The following SORCS3 variants were observed in gnomAD, a reference collection of about 807,000 sequenced individuals.
SORCS3 encodes sortilin related VPS10 domain containing receptor 3.
A neutral mutation model predicts 146.3 loss-of-function variants in SORCS3; 57 were observed. That is an observed-to-expected ratio of 0.39 (90% confidence interval 0.31 to 0.49). The LOEUF (loss-of-function observed/expected upper bound fraction) is 0.49, where lower values mean the gene tolerates loss of function less well. Ranked by LOEUF, SORCS3 falls within the 20% of genes least tolerant of loss-of-function variation. The pLI, the probability that SORCS3 is intolerant of heterozygous loss-of-function variation, is 0.92. For missense variants in SORCS3, 1,341 were observed against 1,575.5 expected (o/e 0.85, Z 2.52); for synonymous variants, 653 against 618.5 (o/e 1.06, Z -0.83).
intron 1 of SORCS3, among the ~76,000 whole-genome samples, chr10:104,672,613 C>T (rs1263509378): frequency 6.6e-6 from 1 of 152,080 alleles, no homozygotes; most frequent in African/African-American, 2.4e-5. Flanking sequence ...CTTAGGACTG[C>T]TTTTGCTGCA....
chr10:104,747,855 T>G (rs185630621), intron 1 of SORCS3, among the ~76,000 whole-genome samples: 1 of 152,232 alleles, frequency 6.6e-6, no homozygotes. Flanking sequence ...AGACCAGCTG[T>G]GCACCTTGAA....
intron 10 of SORCS3, among the ~76,000 whole-genome samples, chr10:105,158,664 T>C (rs2056232992): frequency 6.7e-6 from 1 of 149,558 alleles, no homozygotes; most frequent in Non-Finnish European, 1.5e-5. Flanking sequence ...GAGATTGTGG[T>C]TGGGGGGCAG....
chr10:105,232,586 G>GT (rs937259896), intron 20 of SORCS3, among the ~76,000 whole-genome samples: 192 of 147,842 alleles, frequency 1.3e-3, no homozygotes, highest in South Asian at 3.6e-3. Context: ...TTACCTTGGA[G>GT]TTTTTTTTTT....
intron 16 of SORCS3, among the ~76,000 whole-genome samples, chr10:105,202,039 A>G (rs962848143): frequency 6.6e-6 from 1 of 152,004 alleles, no homozygotes; most frequent in Admixed American, 6.6e-5. Context: ...TACCCTCAAA[A>G]CACATTCTAA....
rs182003429 is a variant in SORCS3 at position 104,977,479 on chromosome 10, A to T, written c.940A>T (p.Ser314Cys). The T allele has an allele frequency of 6.2e-7, 1 of 1,607,744 alleles. No homozygotes were observed. Among genetic ancestry groups the T allele is most frequent in the Non-Finnish European group, 8.5e-7 (1 of 1,178,060 alleles). ...PKQEDWVLAY[S>C]LDQKLYSSMD... ...GCAAGAGGACTGGGTGCTGGCCTAC[A>T]GTTTGGATCAAAAGGTGAATAAATA... Residue 314 changes from serine to cysteine, a missense_variant, in exon 4 of 27, where the codon AGT (serine) becomes TGT (cysteine). Physicochemically the swap from Ser to Cys is moderately radical, Grantham distance 112. Transcript: ENST00000369701.
Position 105,211,248 on chromosome 10 carries a change from TG to T in SORCS3, c.2375+1del. ...TTGGTCAAAGCTACCTTAACAGCAC[TG>T]GGTAAGTAAAACACCTACAGGAACT... Reference protein sequence around the residue: ...SLGQSYLNSTGYRRIVSNNCT... With the variant: ...SLGQSYLNSTXYRRIVSNNCT... On this transcript the variant is annotated frameshift_variant and splice_region_variant, in exon 17 of 27. Coordinates refer to ENST00000369701, the MANE Select transcript of SORCS3 (RefSeq NM_014978.3). LOFTEE classifies it high-confidence loss of function. The T allele has an allele frequency of 6.2e-7, 1 of 1,611,250 alleles. No homozygotes were observed. The highest frequency in any genetic ancestry group is 8.5e-7 in the Non-Finnish European group (1 of 1,177,440).
At position 104,641,884 on chromosome 10, in the gene SORCS3, C is replaced by G; in HGVS notation, c.557C>G (p.Thr186Ser). The G allele has an allele frequency of 6.3e-7, 1 of 1,592,448 alleles. No homozygotes were observed. The highest frequency in any genetic ancestry group is 8.5e-7 in the Non-Finnish European group (1 of 1,173,998). ...GCTGAAGACCTCCGGCTGCCCAGCA[C>G]CTCCTTCGCGCTGACCGGGGACTCG... is the stretch of plus-strand genomic sequence containing the variant. The part of the protein sequence containing the change: ...SAAEDLRLPS[T>S]SFALTGDSAH... The change falls in exon 1 of 27, where the codon ACC becomes AGC. Residue 186 changes from threonine (T) to serine (S), a missense_variant. Thr to Ser is a moderately conservative substitution (Grantham distance 58). Coordinates refer to ENST00000369701, the MANE Select transcript of SORCS3 (RefSeq NM_014978.3). The surrounding 1 kb of genome is among the most constrained non-coding windows in gnomAD (Gnocchi z 6.4).
At chr10:104,990,260 C>T (rs2054985586) in intron 4 of SORCS3, among the ~76,000 whole-genome samples, 1 of 152,198 alleles carries the variant, frequency 6.6e-6, no homozygotes, top group Non-Finnish European at 1.5e-5. Context: ...TAGAATTTCC[C>T]AATGGAATGA....
At chr10:104,794,839 A>T (rs2017535117) in intron 1 of SORCS3, among the ~76,000 whole-genome samples, 1 of 152,134 alleles carries the variant, frequency 6.6e-6, no homozygotes, top group Non-Finnish European at 1.5e-5. Flanking sequence ...CCCTCGGGAT[A>T]GTGTAGCCCA....
At chr10:105,240,997 T>G (rs2056819349) in intron 20 of SORCS3, among the ~76,000 whole-genome samples, 2 of 152,026 alleles carry the variant, frequency 1.3e-5, no homozygotes. Context: ...TCAGTATTTA[T>G]TTCCTACTAA....
chr10:105,145,736 G>A (rs998942620), intron 8 of SORCS3, among the ~76,000 whole-genome samples: 2 of 152,088 alleles, frequency 1.3e-5, no homozygotes, highest in African/African-American at 2.4e-5. Flanking sequence ...GCAGGAACCT[G>A]TAATTCTACA....
intron 16 of SORCS3, among the ~76,000 whole-genome samples, chr10:105,210,401 A>T (rs770918378): frequency 1.3e-5 from 2 of 152,182 alleles, no homozygotes; most frequent in Non-Finnish European, 2.9e-5. Context: ...GAGCAATAAT[A>T]CCTTCTACCT....
intron 1 of SORCS3, among the ~76,000 whole-genome samples, chr10:104,678,367 TAGTA>T (rs1157422224): frequency 1.3e-5 from 2 of 152,112 alleles, no homozygotes; most frequent in African/African-American, 4.8e-5. Flanking sequence ...CCCTGGCACA[TAGTA>T]AGTGTTCTGT....
intron 5 of SORCS3, among the ~76,000 whole-genome samples, chr10:105,085,773 T>G (rs1005230480): frequency 2.6e-5 from 4 of 152,250 alleles, no homozygotes; most frequent in Middle Eastern, 3.4e-3. Flanking sequence ...TCTTAGAGCA[T>G]TTCCCTGTTT....
At chr10:105,235,893 A>G (rs2056790628) in intron 20 of SORCS3, among the ~76,000 whole-genome samples, 1 of 152,082 alleles carries the variant, frequency 6.6e-6, no homozygotes, top group Admixed American at 6.6e-5. Context: ...TGTTGTGAAA[A>G]CTATGCTATT....
intron 1 of SORCS3, among the ~76,000 whole-genome samples, chr10:104,822,667 T>C (rs1371609442): frequency 6.6e-6 from 1 of 152,192 alleles, no homozygotes; most frequent in East Asian, 1.9e-4. Flanking sequence ...TGCAAAAGAC[T>C]GGAGGAGAGC....
chr10:104,646,394 C>T (rs1307801838), intron 1 of SORCS3, among the ~76,000 whole-genome samples: 1 of 152,200 alleles, frequency 6.6e-6, no homozygotes, highest in African/African-American at 2.4e-5. Context: ...GGGAGGGTGA[C>T]TTCAGTGGCA....
intron 3 of SORCS3, among the ~76,000 whole-genome samples, chr10:104,925,257 A>T (rs2019130100): frequency 6.6e-6 from 1 of 152,236 alleles, no homozygotes; most frequent in African/African-American, 2.4e-5. Flanking sequence ...TTTAATTTTT[A>T]ACTGTAGAAC....
intron 1 of SORCS3, among the ~76,000 whole-genome samples, chr10:104,768,696 A>C (rs1456271418): frequency 3.9e-5 from 6 of 152,022 alleles, no homozygotes; most frequent in Non-Finnish European, 7.4e-5. Context: ...GCTGATGGAG[A>C]ATTTTCTCTT....
Sources: gnomAD v4.1 joint callset for allele counts (sites outside exome capture counted in the v4.1 genomes callset) on GRCh38, gnomAD v4.1.1 for gene constraint, Gnocchi (gnomAD v3.1) non-coding constraint, MANE v1.5 for transcripts, NCBI Gene and HGNC (gene_info 2026-07-23, HGNC 2026-07-21) for gene names.